RMST: variants seen among roughly 807,000 people sequenced by gnomAD.
RMST encodes long intergenic non-protein coding RNA 54.
intron 11 of RMST, among the ~76,000 whole-genome samples, chr12:97,541,721 A>T (rs1156993236): frequency 8.7e-6 from 1 of 115,404 alleles, no homozygotes; most frequent in Non-Finnish European, 1.7e-5. Context: ...AGGCAGATTT[A>T]AAAAAAAAGA....
intron 10 of RMST, among the ~76,000 whole-genome samples, chr12:97,516,309 C>T (rs1002290361): frequency 6.6e-6 from 1 of 151,854 alleles, no homozygotes; most frequent in Non-Finnish European, 1.5e-5. Flanking sequence ...TTGAAAGTAA[C>T]GTAAATAAAA....
chr12:97,496,399 G>A (rs1314153570), intron 10 of RMST, among the ~76,000 whole-genome samples: 1 of 150,600 alleles, frequency 6.6e-6, no homozygotes, highest in African/African-American at 2.5e-5. Context: ...AATATCTGGG[G>A]TAAAAAAAAT....
At chr12:97,527,626 T>C (rs1263035626) in intron 10 of RMST, among the ~76,000 whole-genome samples, 3 of 152,114 alleles carry the variant, frequency 2.0e-5, no homozygotes, top group Non-Finnish European at 2.9e-5. Context: ...TCTGCATCTT[T>C]GTAGGTATGC....
At chr12:97,492,428 T>G (rs1876948252) in intron 5 of RMST, 2 of 152,682 alleles carry the variant, frequency 1.3e-5, no homozygotes, top group Admixed American at 1.3e-4. Context: ...TTGCTTGTTG[T>G]TTTTTTTTTA....
At chr12:97,521,927 C>G (rs551659701) in intron 10 of RMST, among the ~76,000 whole-genome samples, 1 of 152,224 alleles carries the variant, frequency 6.6e-6, no homozygotes, top group South Asian at 2.1e-4. Context: ...TACTTAGATT[C>G]CCTGATTTTG....
chr12:97,500,764 G>A (rs749306000), intron 10 of RMST, among the ~76,000 whole-genome samples: 5 of 152,134 alleles, frequency 3.3e-5, no homozygotes, highest in South Asian at 4.1e-4. Flanking sequence ...ATCCCATTCA[G>A]GTCAGCCCGA....
intron 10 of RMST, among the ~76,000 whole-genome samples, chr12:97,504,401 TTC>T (rs1491033787): frequency 2.1e-5 from 1 of 47,964 alleles, no homozygotes; most frequent in Admixed American, 2.1e-4. Flanking sequence ...GAGACTTCAT[TTC>T]AAAAAAAAAA....
chr12:97,562,843 C>T (rs1346356450), intron 13 of RMST, among the ~76,000 whole-genome samples: 2 of 152,184 alleles, frequency 1.3e-5, no homozygotes, highest in Admixed American at 6.5e-5. Flanking sequence ...ATGGAAATAG[C>T]TTGCCTAGCC....
At chr12:97,491,626 C>T (rs1049472525) in intron 5 of RMST, 3 of 212,314 alleles carry the variant, frequency 1.4e-5, no homozygotes, top group Admixed American at 9.0e-5. Context: ...AAAATTGTGC[C>T]ACCATTGTCT....
chr12:97,482,727 A>T (rs1192623627), intron 5 of RMST, among the ~76,000 whole-genome samples: 27 of 63,802 alleles, frequency 4.2e-4, no homozygotes, highest in African/African-American at 1.6e-3. Context: ...TTTATTTATT[A>T]AATAAATTTA....
At chr12:97,469,186 GTGTA>G (rs1565915543) in intron 5 of RMST, among the ~76,000 whole-genome samples, 44 of 135,636 alleles carry the variant, frequency 3.2e-4, no homozygotes, top group Non-Finnish European at 5.6e-4. Flanking sequence ...GTGTGTATGT[GTGTA>G]TATATATACA....
chr12:97,540,657 T>G (rs1010264064), intron 11 of RMST, among the ~76,000 whole-genome samples: 5 of 151,766 alleles, frequency 3.3e-5, no homozygotes, highest in African/African-American at 1.2e-4. Flanking sequence ...GTTTACCCAT[T>G]TGGAAAGAAA....
intron 10 of RMST, among the ~76,000 whole-genome samples, chr12:97,518,951 A>T (rs994090720): frequency 2.3e-4 from 35 of 150,836 alleles, no homozygotes; most frequent in Non-Finnish European, 4.7e-4. Context: ...AAAAAAAAAA[A>T]TGTTTTTATA....
chr12:97,544,775 A>G (rs185173817), intron 11 of RMST, among the ~76,000 whole-genome samples: 11 of 152,140 alleles, frequency 7.2e-5, no homozygotes, highest in Admixed American at 7.2e-4. Context: ...AATCAGTCCA[A>G]TGAAATCCCA....
intron 10 of RMST, among the ~76,000 whole-genome samples, chr12:97,496,240 A>T (rs1231153792): frequency 6.6e-6 from 1 of 152,066 alleles, no homozygotes; most frequent in Non-Finnish European, 1.5e-5. Context: ...AGGATTAACT[A>T]TGGTGGATTT....
chr12:97,481,654 C>T (rs922978310), intron 5 of RMST, among the ~76,000 whole-genome samples: 3 of 152,062 alleles, frequency 2.0e-5, no homozygotes, highest in Non-Finnish European at 2.9e-5. Context: ...CAAGCCTGGC[C>T]GGTGTGCCAG....
intron 11 of RMST, among the ~76,000 whole-genome samples, chr12:97,549,270 A>G (rs1883152651): frequency 6.6e-6 from 1 of 152,230 alleles, no homozygotes; most frequent in Admixed American, 6.5e-5. Flanking sequence ...AGAGTTAAGA[A>G]TATACATTTT....
chr12:97,563,976 C>T, intron 13 of RMST: 2 of 454,328 alleles, frequency 4.4e-6, no homozygotes, highest in South Asian at 3.1e-5. Flanking sequence ...GTGATGGAGA[C>T]AAGATTTAGT....
intron 13 of RMST, among the ~76,000 whole-genome samples, chr12:97,561,458 C>G (rs950677948): frequency 6.6e-6 from 1 of 151,208 alleles, no homozygotes; most frequent in East Asian, 1.9e-4. Flanking sequence ...ATTTTTGGAA[C>G]GGGAAAAAAA....
Sources: allele counts gnomAD v4.1 joint callset (sites outside exome capture counted in the v4.1 genomes callset), GRCh38; gene constraint gnomAD v4.1.1; transcripts MANE v1.5; gene names NCBI Gene and HGNC (gene_info 2026-07-23, HGNC 2026-07-21).